The following TYW1B variants were observed in gnomAD, a reference collection of about 807,000 sequenced individuals.
The protein encoded by TYW1B is S-adenosyl-L-methionine-dependent tRNA 4-demethylwyosine synthase TYW1B.
Under a neutral mutation model 86.9 loss-of-function variants are expected in TYW1B, and 73 were observed. The ratio of observed to expected loss-of-function variants is 0.84; its 90% CI spans 0.70 to 1.02. TYW1B has a LOEUF of 1.02. TYW1B is among the 50% of genes least tolerant of loss of function. The pLI is 0.00. For synonymous variants in TYW1B, 248 were observed against 292.8 expected (o/e 0.85, Z 1.56); for missense variants, 637 against 827.4 (o/e 0.77, Z 2.82).
chr7:72,613,083 G>A (rs1236865000), intron 13 of TYW1B, among the ~76,000 whole-genome samples: 1 of 152,030 alleles, frequency 6.6e-6, no homozygotes. Context: ...AAGGGAAGGG[G>A]GGAACTGTAT....
chr7:72,775,409 C>T (rs782385936), intron 7 of TYW1B, among the ~76,000 whole-genome samples: 18 of 151,986 alleles, frequency 1.2e-4, no homozygotes, highest in Non-Finnish European at 1.9e-4. Context: ...GAAAATCTTC[C>T]AAGTAGCAGG....
In TYW1B at chr7:72,745,656, G is replaced by A. The variant is rs191831746; in HGVS notation, c.965-1055C>T. 3.9e-5 allele frequency among the ~76,000 whole-genome samples: 6 copies of A among 151,982 alleles called. No individual in the cohort carries two copies. In the East Asian group the frequency reaches 7.8e-4, roughly 20 times the overall value. On this transcript the variant is annotated intron_variant, in intron 7 of 13. Coordinates refer to ENST00000620995, the MANE Select transcript of TYW1B (RefSeq NM_001145440.3). ...ACAGGTAATGATGACTTTCTCCTAAGGTCAGTGGAATGGGTAGGTTACTAA... is the reference window on the plus strand; with the variant it reads ...ACAGGTAATGATGACTTTCTCCTAAAGTCAGTGGAATGGGTAGGTTACTAA...
chr7:72,714,016 AC>A (rs1296649957), intron 9 of TYW1B, among the ~76,000 whole-genome samples: 7 of 149,988 alleles, frequency 4.7e-5, no homozygotes, highest in African/African-American at 1.7e-4. Context: ...CTACATCAAT[AC>A]AAGCAGGCAA....
chr7:72,586,574 TAAAAATAC>T (rs1811281950), intron 13 of TYW1B, among the ~76,000 whole-genome samples: 1 of 152,018 alleles, frequency 6.6e-6, no homozygotes, highest in African/African-American at 2.4e-5. Flanking sequence ...CCGTCTCTAC[TAAAAATAC>T]AAAAATTAGC....
chr7:72,661,001 G>A (rs1481158550), intron 11 of TYW1B, among the ~76,000 whole-genome samples: 1 of 149,356 alleles, frequency 6.7e-6, no homozygotes, highest in Non-Finnish European at 1.5e-5. Context: ...TAGGCGTGGT[G>A]GCACGCACCT....
At chr7:72,816,605 A>G (rs13307772) in intron 2 of TYW1B, among the ~76,000 whole-genome samples, 1 of 152,190 alleles carries the variant, frequency 6.6e-6, no homozygotes, top group African/African-American at 2.4e-5. Context: ...GCTTCAGGAC[A>G]GAGGCTCATT....
chr7:72,715,597 G>A (rs1194450611), intron 9 of TYW1B, among the ~76,000 whole-genome samples: 2 of 151,980 alleles, frequency 1.3e-5, no homozygotes, highest in Non-Finnish European at 2.9e-5. Context: ...AGAGGGTGGA[G>A]GGTGGGAGAA....
intron 2 of TYW1B, among the ~76,000 whole-genome samples, chr7:72,823,836 T>A (rs1788878214): frequency 6.6e-6 from 1 of 152,090 alleles, no homozygotes; most frequent in Non-Finnish European, 1.5e-5. Flanking sequence ...AAACACAGCA[T>A]AAGCATCAGA....
chr7:72,746,126 G>A (rs538357344), intron 7 of TYW1B, among the ~76,000 whole-genome samples: 31 of 151,990 alleles, frequency 2.0e-4, no homozygotes, highest in Non-Finnish European at 2.2e-4. Context: ...GACCTCCCAA[G>A]GTACTGTTAT....
intron 6 of TYW1B, among the ~76,000 whole-genome samples, chr7:72,787,658 C>G (rs1788152002): frequency 6.6e-6 from 1 of 151,678 alleles, no homozygotes; most frequent in African/African-American, 2.4e-5. Context: ...GCAGTCCCAG[C>G]TACTCGGGAG....
At chr7:72,585,898 T>TC (rs2129567705) in intron 13 of TYW1B, among the ~76,000 whole-genome samples, 1 of 152,306 alleles carries the variant, frequency 6.6e-6, no homozygotes, top group Admixed American at 6.5e-5. Flanking sequence ...TTTTTATACT[T>TC]CACTTCATTT....
intron 7 of TYW1B, among the ~76,000 whole-genome samples, chr7:72,754,690 G>A (rs904189719): frequency 6.6e-6 from 1 of 151,876 alleles, no homozygotes; most frequent in Non-Finnish European, 1.5e-5. Context: ...CACTTGCCTC[G>A]GCCTCCCCAA....
At chr7:72,802,686 T>C (rs1486811674) in intron 5 of TYW1B, among the ~76,000 whole-genome samples, 164 bp from the exon 6 acceptor site, 6 of 152,072 alleles carry the variant, frequency 3.9e-5, no homozygotes, top group African/African-American at 1.4e-4. Flanking sequence ...AGTGGCGTCA[T>C]CTCGGCTCAC....
At chr7:72,703,136 T>G (rs1198965518) in intron 10 of TYW1B, among the ~76,000 whole-genome samples, 2 of 150,704 alleles carry the variant, frequency 1.3e-5, no homozygotes, top group African/African-American at 4.9e-5. Context: ...GCCATACTCC[T>G]GCCTCAGCCT....
intron 11 of TYW1B, among the ~76,000 whole-genome samples, chr7:72,636,110 C>A (rs1269971106): frequency 1.3e-5 from 2 of 152,136 alleles, no homozygotes; most frequent in African/African-American, 4.8e-5. Context: ...AAATTTCTCT[C>A]AATGATATTT....
chr7:72,676,237 C>T lies in TYW1B; in HGVS notation c.1506+18450G>A, dbSNP rs142372091. On this transcript the variant is annotated intron_variant, in intron 11 of 13. Coordinates refer to ENST00000620995, the MANE Select transcript of TYW1B (RefSeq NM_001145440.3). ...ACAGCTCTGTGACCTTCAATTTCCT[C>T]GTCTGTAAAACAAGGTGAACAATAT... 8.5e-5 allele frequency among the ~76,000 whole-genome samples: 13 copies of T among 152,182 alleles called. No individual in the cohort carries two copies. In the East Asian group the frequency reaches 2.1e-3, roughly 25 times the overall value.
intron 2 of TYW1B, among the ~76,000 whole-genome samples, chr7:72,820,033 G>A (rs1284756943): frequency 7.2e-5 from 11 of 152,142 alleles, no homozygotes; most frequent in Non-Finnish European, 1.6e-4. Flanking sequence ...CCAGCACTTC[G>A]GGAGGCCAAG....
intron 6 of TYW1B, among the ~76,000 whole-genome samples, chr7:72,781,514 G>C (rs1788049751): frequency 6.6e-6 from 1 of 152,116 alleles, no homozygotes; most frequent in African/African-American, 2.4e-5. Context: ...CTCCTTGCCA[G>C]TCGACTCCCA....
At chr7:72,632,388 G>GTATATATATATAATATATATACA (rs1812538163) in intron 11 of TYW1B, among the ~76,000 whole-genome samples, 13 of 70,324 alleles carry the variant, frequency 1.8e-4, no homozygotes, top group East Asian at 1.2e-3. Context: ...ATATATATAC[G>GTATATATATATAATATATATACA]TATATATATA....
Sources: gnomAD v4.1 joint callset for allele counts (sites outside exome capture counted in the v4.1 genomes callset) on GRCh38, gnomAD v4.1.1 for gene constraint, MANE v1.5 for transcripts, NCBI Gene and HGNC (gene_info 2026-07-23, HGNC 2026-07-21) for gene names.